The following PTK2 variants were observed in gnomAD, a reference collection of about 807,000 sequenced individuals.
PTK2 encodes focal adhesion kinase 1.
In PTK2, 45 loss-of-function variants were observed where a neutral mutation model predicts 150.1. The observed-to-expected ratio is 0.30, with a 90% CI of 0.24 to 0.38. The LOEUF (loss-of-function observed/expected upper bound fraction) is 0.38. PTK2 is among the 10% of genes least tolerant of loss of function. The probability of loss-of-function intolerance (pLI) is 1.00; values close to 1 mark genes in which losing one functional copy is unlikely to be tolerated. For missense variants in PTK2, 919 were observed against 1,307.3 expected (o/e 0.70, Z 4.58); for synonymous variants, 432 against 449.2 (o/e 0.96, Z 0.48).
intron 8 of PTK2, chr8:140,822,439 C>G (rs926766532): frequency 6.6e-6 from 1 of 151,954 alleles, no homozygotes; most frequent in African/African-American, 2.4e-5. Context: ...TGGAAATAAA[C>G]AAAGTCTTCA....
At chr8:140,866,224 C>A (rs959251423) in intron 4 of PTK2, among the ~76,000 whole-genome samples, 1 of 152,134 alleles carries the variant, frequency 6.6e-6, no homozygotes, top group East Asian at 1.9e-4. Flanking sequence ...TCCAAGGAGG[C>A]TTTTGGTATT....
At chr8:140,769,650 T>G in intron 14 of PTK2, 58 bp from the exon 16 acceptor site, 1 of 1,207,392 alleles carries the variant, frequency 8.3e-7, no homozygotes, top group Admixed American at 2.0e-5. Flanking sequence ...GAGGGAGACA[T>G]AGGAAGGAGA....
chr8:140,963,224 C>G (rs1213337617), intron 1 of PTK2, among the ~76,000 whole-genome samples: 1 of 152,122 alleles, frequency 6.6e-6, no homozygotes, highest in Non-Finnish European at 1.5e-5. Flanking sequence ...ATTCTTTCCA[C>G]GAGCTATACT....
intron 2 of PTK2, among the ~76,000 whole-genome samples, chr8:140,906,007 A>C (rs1196647509): frequency 6.6e-6 from 1 of 151,982 alleles, no homozygotes; most frequent in Non-Finnish European, 1.5e-5. Flanking sequence ...CTGTCTCTAA[A>C]AAAAAAAACC....
At position 140,681,402 on chromosome 8, in the gene PTK2, C is replaced by T. The variant is rs749123845; in HGVS notation, c.2562+5230G>A. Among the ~76,000 whole-genome samples the T allele has an allele frequency of 1.3e-4, 19 of 151,082 alleles. 1 individual carries two copies. The highest frequency in any genetic ancestry group is 4.6e-4 in the Admixed American group (7 of 15,176). On this transcript the variant is annotated intron_variant, in intron 27 of 31. Transcript: ENST00000522684. ...TACTCAAATTAATAACCTAACATCA[C>T]GCCCTGAGGAACTGGAAAAACAAGA...
chr8:140,869,530 T>C lies in PTK2; in HGVS notation c.363-5131A>G, dbSNP rs147495770. 7.9e-3 allele frequency among the ~76,000 whole-genome samples: 1,196 copies of C among 152,244 alleles called. 5 individuals carry two copies. The highest frequency in any genetic ancestry group is 0.012 in the Non-Finnish European group (835 of 68,014). On this transcript the variant is annotated intron_variant, in intron 4 of 31. Transcript: ENST00000522684. Reference sequence around the variant, plus strand: ...TAAAGCCACTTTTTTCTGATTCAGATAATGAATGATCACGATGTCAGACTT... The same window carrying C: ...TAAAGCCACTTTTTTCTGATTCAGACAATGAATGATCACGATGTCAGACTT...
intron 4 of PTK2, among the ~76,000 whole-genome samples, chr8:140,868,667 C>T (rs1376286269): frequency 1.3e-5 from 2 of 152,164 alleles, no homozygotes; most frequent in Non-Finnish European, 2.9e-5. Context: ...TTGACTGCAG[C>T]CGTTTTGCCA....
chr8:140,862,337 C>A (rs1599203362), intron 5 of PTK2, among the ~76,000 whole-genome samples: 2 of 152,038 alleles, frequency 1.3e-5, no homozygotes, highest in East Asian at 3.9e-4. Flanking sequence ...TTGTTATCTC[C>A]TTCGCCAAAA....
intron 2 of PTK2, among the ~76,000 whole-genome samples, chr8:140,919,744 C>T (rs2100166696): frequency 6.6e-6 from 1 of 152,074 alleles, no homozygotes; most frequent in Admixed American, 6.6e-5. Flanking sequence ...CCTTTAAAAT[C>T]CAAGAGTGTA....
chr8:140,828,214 A>C (rs1354701089), intron 8 of PTK2, among the ~76,000 whole-genome samples: 1 of 152,112 alleles, frequency 6.6e-6, no homozygotes, highest in Non-Finnish European at 1.5e-5. Flanking sequence ...TAAGATACTA[A>C]ACAGGGTCCC....
At chr8:140,963,801 T>C (rs1320466556) in intron 1 of PTK2, among the ~76,000 whole-genome samples, 1 of 152,142 alleles carries the variant, frequency 6.6e-6, no homozygotes, top group Non-Finnish European at 1.5e-5. Context: ...CCTCAAAATA[T>C]TTCTCATCAT....
intron 27 of PTK2, among the ~76,000 whole-genome samples, chr8:140,678,897 CA>C (rs1370096171): frequency 2.0e-5 from 3 of 149,670 alleles, no homozygotes; most frequent in African/African-American, 7.4e-5. Flanking sequence ...CTCACTGCTT[CA>C]GGCAATAAAA....
chr8:140,791,434 C>T (rs1169854718), intron 13 of PTK2, among the ~76,000 whole-genome samples: 1 of 152,186 alleles, frequency 6.6e-6, no homozygotes, highest in Non-Finnish European at 1.5e-5. Context: ...CCCAAATGAA[C>T]CTCTATCAGA....
chr8:140,896,437 G>C (rs1050350122), intron 2 of PTK2, among the ~76,000 whole-genome samples: 1 of 152,144 alleles, frequency 6.6e-6, no homozygotes, highest in Non-Finnish European at 1.5e-5. Flanking sequence ...AATGTATCAT[G>C]ACCAAAAGTT....
intron 3 of PTK2, among the ~76,000 whole-genome samples, chr8:140,886,958 C>G (rs554071862): frequency 4.5e-4 from 68 of 152,280 alleles, no homozygotes; most frequent in African/African-American, 1.5e-3. Context: ...CATTGTACAG[C>G]CTGGGTTTCT....
chr8:140,907,979 T>C (rs1027219591), intron 2 of PTK2, among the ~76,000 whole-genome samples: 1 of 152,174 alleles, frequency 6.6e-6, no homozygotes, highest in Non-Finnish European at 1.5e-5. Context: ...CCTCTCACTT[T>C]AAATCAAACG....
intron 1 of PTK2, among the ~76,000 whole-genome samples, chr8:140,949,997 T>C (rs2154609068): frequency 3.0e-5 from 1 of 33,076 alleles, no homozygotes; most frequent in Admixed American, 3.4e-4. Context: ...CACTACCAGC[T>C]GCAGGAAGGA....
At position 140,863,106 on chromosome 8, in the gene PTK2, CCTT is replaced by C. The variant is rs369687144; in HGVS notation, c.450+1203_450+1205del. Among the ~76,000 whole-genome samples the C allele has an allele frequency of 4.5e-3, 678 of 152,298 alleles. 4 individuals are homozygous for C. The highest frequency in any genetic ancestry group is 0.015 in the African/African-American group (643 of 41,556). On this transcript the variant is annotated intron_variant, in intron 5 of 31. Transcript: ENST00000522684. Reference sequence around the variant, plus strand: ...TATAGAACAACTTACCTTCTTACCTCCTTCTTTTGAATCTAATCCACCATTGCT... The same window carrying C: ...TATAGAACAACTTACCTTCTTACCTCCTTTTGAATCTAATCCACCATTGCT...
chr8:140,709,673 T>A (rs2100035714), intron 23 of PTK2, among the ~76,000 whole-genome samples: 2 of 152,220 alleles, frequency 1.3e-5, no homozygotes, highest in Admixed American at 1.3e-4. Context: ...AAAATGGCTT[T>A]CATATGAGTC....
Sources: gnomAD v4.1 joint callset for allele counts (sites outside exome capture counted in the v4.1 genomes callset) on GRCh38, gnomAD v4.1.1 for gene constraint, MANE v1.5 for transcripts, NCBI Gene and HGNC (gene_info 2026-07-23, HGNC 2026-07-21) for gene names.